CLNK: variants seen among roughly 807,000 people sequenced by gnomAD.
CLNK encodes the protein cytokine dependent hematopoietic cell linker, also known as cytokine-dependent hematopoietic cell linker.
In CLNK, 74 loss-of-function variants were observed where a neutral mutation model predicts 68.6. The observed-to-expected ratio is 1.08, with a 90% confidence interval of 0.89 to 1.31. CLNK has a LOEUF of 1.31. CLNK is among the 50% of genes most tolerant of loss of function. The pLI is 0.00. For missense variants in CLNK, 553 were observed against 515.3 expected (o/e 1.07, Z -0.71); for synonymous variants, 198 against 172.2 (o/e 1.15, Z -1.17).
chr4:10,501,517 A>C, intron 17 of CLNK, 106 bp from the exon 18 acceptor site: 2 of 1,178,342 alleles, frequency 1.7e-6, no homozygotes, highest in African/African-American at 1.6e-5. Context: ...AGATGGATTT[A>C]GTTTTTGGTA....
intron 1 of CLNK, among the ~76,000 whole-genome samples, chr4:10,670,944 T>C (rs1474887376): frequency 1.3e-5 from 2 of 152,204 alleles, no homozygotes; most frequent in Non-Finnish European, 2.9e-5. Context: ...TATTATTTGA[T>C]TGGTAATATC....
intron 2 of CLNK, among the ~76,000 whole-genome samples, chr4:10,633,179 C>G (rs1359210379): frequency 6.6e-6 from 1 of 152,228 alleles, no homozygotes; most frequent in East Asian, 1.9e-4. Flanking sequence ...CTTAGGTGAT[C>G]TGCCTGCCTC....
intron 8 of CLNK, among the ~76,000 whole-genome samples, chr4:10,545,337 C>T (rs1225875727): frequency 1.3e-5 from 2 of 152,206 alleles, no homozygotes; most frequent in African/African-American, 2.4e-5. Flanking sequence ...AAAGGGATAA[C>T]AGGCCCCACC....
chr4:10,680,059 C>T (rs1013517362), intron 1 of CLNK, among the ~76,000 whole-genome samples: 9 of 152,114 alleles, frequency 5.9e-5, no homozygotes, highest in Admixed American at 1.3e-4. Flanking sequence ...TATAAAGACA[C>T]ATGCACACGT....
At chr4:10,649,352 T>C (rs1723639192) in intron 2 of CLNK, among the ~76,000 whole-genome samples, 1 of 152,130 alleles carries the variant, frequency 6.6e-6, no homozygotes, top group Admixed American at 6.6e-5. Context: ...GTCCAAAATC[T>C]AAATGAAGGT....
the CLNK span, among the ~76,000 whole-genome samples, chr4:10,726,314 T>C: frequency 2.6e-5 from 4 of 152,186 alleles, no homozygotes; most frequent in African/African-American, 9.7e-5. Context: ...GGAGATAAGG[T>C]TTCACCATGT....
the CLNK span, among the ~76,000 whole-genome samples, chr4:10,710,245 G>A: frequency 7.2e-5 from 11 of 152,082 alleles, no homozygotes; most frequent in African/African-American, 2.7e-4. Context: ...TTGTATTTCT[G>A]GGCAGAGGAG....
At chr4:10,594,470 T>C (rs891898971) in intron 3 of CLNK, among the ~76,000 whole-genome samples, 1 of 152,212 alleles carries the variant, frequency 6.6e-6, no homozygotes, top group African/African-American at 2.4e-5. Flanking sequence ...TATTTCAACA[T>C]GGGTGCCTGG....
At chr4:10,688,073 A>G (rs1027986486), upstream of CLNK, among the ~76,000 whole-genome samples, 1 of 152,182 alleles carries the variant, frequency 6.6e-6, no homozygotes, top group Non-Finnish European at 1.5e-5. Context: ...AGGAGTGGCT[A>G]TTAGGATAAA....
chr4:10,699,220 A>ACCACG, the CLNK span, among the ~76,000 whole-genome samples: 4 of 75,666 alleles, frequency 5.3e-5, no homozygotes, highest in South Asian at 9.2e-4. Context: ...TACACACCAC[A>ACCACG]TATGTGTGTG....
At chr4:10,701,892 C>T in the CLNK span, among the ~76,000 whole-genome samples, 2 of 152,134 alleles carry the variant, frequency 1.3e-5, no homozygotes, top group Admixed American at 6.5e-5. Flanking sequence ...TGGGAGAAAG[C>T]GTGGTTAGGC....
At chr4:10,688,473 C>G (rs1215520635), upstream of CLNK, among the ~76,000 whole-genome samples, 3 of 152,138 alleles carry the variant, frequency 2.0e-5, no homozygotes, top group East Asian at 1.9e-4. Context: ...TGGGAAAGAG[C>G]TTTTCCTGGT....
intron 12 of CLNK, 178 bp downstream of exon 12, chr4:10,532,078 G>A: frequency 1.5e-6 from 1 of 664,794 alleles, no homozygotes; most frequent in Non-Finnish European, 2.7e-6. Context: ...AAAATCTGGA[G>A]CTAAGCTTGT....
chr4:10,668,458 G>C (rs988899375), intron 1 of CLNK, among the ~76,000 whole-genome samples: 1 of 152,148 alleles, frequency 6.6e-6, no homozygotes, highest in Non-Finnish European at 1.5e-5. Context: ...TAAGGGCTTC[G>C]TATCAATGAT....
At chr4:10,553,946 T>C (rs1464283867) in intron 8 of CLNK, among the ~76,000 whole-genome samples, 1 of 152,192 alleles carries the variant, frequency 6.6e-6, no homozygotes, top group Non-Finnish European at 1.5e-5. Context: ...AGGGTGTGCT[T>C]CCTGGGAAGG....
chr4:10,630,018 G>A (rs1722823222), intron 2 of CLNK, among the ~76,000 whole-genome samples: 1 of 152,212 alleles, frequency 6.6e-6, no homozygotes, highest in South Asian at 2.1e-4. Flanking sequence ...GACCACGGCA[G>A]TGCAAAACCT....
At chr4:10,618,733 G>A (rs1722321115) in intron 2 of CLNK, among the ~76,000 whole-genome samples, 1 of 152,162 alleles carries the variant, frequency 6.6e-6, no homozygotes, top group African/African-American at 2.4e-5. Flanking sequence ...GCAGAAGCAG[G>A]AGCAGGAAAG....
intron 2 of CLNK, among the ~76,000 whole-genome samples, chr4:10,657,932 A>G (rs1190207119): frequency 6.6e-6 from 1 of 152,214 alleles, no homozygotes; most frequent in Non-Finnish European, 1.5e-5. Flanking sequence ...TCAAATTATC[A>G]GTCTTAATGT....
At position 10,516,548 on chromosome 4, in the gene CLNK, T is replaced by C. The variant is rs955605226; in HGVS notation, c.773-2951A>G. On this transcript the variant is annotated intron_variant, in intron 15 of 18. Coordinates refer to ENST00000226951, the MANE Select transcript of CLNK (RefSeq NM_052964.4). ...TTTATTCTAATGAGACCAAGGATTG[T>C]AGCTTTTTTTTTTTTTTTTCTGAGA... is the stretch of plus-strand genomic sequence containing the variant. Among the ~76,000 whole-genome samples the C allele has an allele frequency of 9.4e-5, 9 of 95,596 alleles. No individual in the cohort carries two copies. The East Asian group carries it at 1.3e-3, about 14-fold the overall frequency. The allele number at this position is 95,596 out of a possible 152,430, so 62.7% of individuals were successfully genotyped here. A position where few individuals can be genotyped will look rare whatever the true frequency, so the allele number is the denominator to read the frequency against.
Sources: allele counts gnomAD v4.1 joint callset (sites outside exome capture counted in the v4.1 genomes callset), GRCh38; gene constraint gnomAD v4.1.1; transcripts MANE v1.5; gene names NCBI Gene and HGNC (gene_info 2026-07-23, HGNC 2026-07-21).